MYO1E: variants seen among roughly 807,000 people sequenced by gnomAD.
The protein encoded by MYO1E is unconventional myosin-Ie.
A neutral mutation model predicts 151.1 loss-of-function variants in MYO1E; 68 were observed. The observed-to-expected ratio is 0.45, with a 90% CI of 0.37 to 0.55. The LOEUF (loss-of-function observed/expected upper bound fraction) is 0.55, where lower values mean the gene tolerates loss of function less well. Among genes scored for constraint, MYO1E ranks in the 20% least tolerant of loss-of-function variants. The pLI is 0.00. For missense variants in MYO1E, 1,363 were observed against 1,389.3 expected, an observed-to-expected ratio of 0.98 and a Z score of 0.30; for synonymous variants, 601 against 501.7, an observed-to-expected ratio of 1.20 and a Z score of -2.64.
chr15:59,333,647 G>T (rs1326538643), intron 1 of MYO1E, among the ~76,000 whole-genome samples: 1 of 152,174 alleles, frequency 6.6e-6, no homozygotes, highest in East Asian at 1.9e-4. Flanking sequence ...ATTGGTGAGT[G>T]GGTATCCTTC....
intron 4 of MYO1E, among the ~76,000 whole-genome samples, chr15:59,241,827 GA>G (rs2080101491): frequency 6.6e-6 from 1 of 152,150 alleles, no homozygotes; most frequent in Admixed American, 6.6e-5. Flanking sequence ...GCTGAGGTGG[GA>G]GGATTGTTTG....
At chr15:59,371,168 T>C (rs74017758) in intron 1 of MYO1E, among the ~76,000 whole-genome samples, 1,860 of 152,348 alleles carry the variant, frequency 0.012, 40 homozygotes, top group African/African-American at 0.042. Flanking sequence ...GATGTTTGTT[T>C]GTAATCATTC....
intron 1 of MYO1E, among the ~76,000 whole-genome samples, chr15:59,365,756 C>T (rs2080909355): frequency 6.6e-6 from 1 of 152,130 alleles, no homozygotes; most frequent in Admixed American, 6.5e-5. Flanking sequence ...AGAGAGTGTG[C>T]CTCCTTCAGA....
intron 22 of MYO1E, among the ~76,000 whole-genome samples, chr15:59,166,554 T>G (rs1344610422): frequency 4.0e-5 from 6 of 150,560 alleles, no homozygotes; most frequent in Non-Finnish European, 4.4e-5. Flanking sequence ...GGAGTTTTGT[T>G]TTTTTTTTTT....
intron 22 of MYO1E, among the ~76,000 whole-genome samples, chr15:59,170,374 C>T (rs1004402115): frequency 7.9e-5 from 12 of 152,298 alleles, no homozygotes; most frequent in East Asian, 1.9e-4. Context: ...CTGCCAAGCA[C>T]GCTGTGGCCA....
chr15:59,161,667 A>G (rs2079539059), intron 23 of MYO1E, among the ~76,000 whole-genome samples: 2 of 152,192 alleles, frequency 1.3e-5, no homozygotes, highest in Non-Finnish European at 2.9e-5. Context: ...GGACTCTAGC[A>G]TAGAACCTGG....
At chr15:59,219,978 A>T (rs1358339839) in intron 9 of MYO1E, among the ~76,000 whole-genome samples, 1 of 152,168 alleles carries the variant, frequency 6.6e-6, no homozygotes, top group Non-Finnish European at 1.5e-5. Context: ...CAGAGTAAGG[A>T]CAGATGACAT....
intron 3 of MYO1E, among the ~76,000 whole-genome samples, chr15:59,260,885 G>T (rs150360201): frequency 1.6e-4 from 24 of 152,168 alleles, no homozygotes; most frequent in African/African-American, 2.4e-4. Context: ...TGCAAATAAG[G>T]CTCAAATATT....
At position 59,372,704 on chromosome 15, in the gene MYO1E, G is replaced by C. The variant is rs1483756674; in HGVS notation, c.-204C>G. ...GGCGGTGCTAGGTGAGGGCGAGACG[G>C]CGGCGACTTAGCAGGCGGGGCGCAT... On this transcript the variant is annotated 5_prime_UTR_variant, in exon 1 of 28. Transcript: ENST00000288235. The C allele has an allele frequency of 4.9e-6, 3 of 615,964 alleles. No individual in the cohort carries two copies. Among genetic ancestry groups the C allele is most frequent in the Non-Finnish European group, 8.2e-6 (3 of 368,080 alleles). 38.2% of individuals were successfully genotyped at this position (615,964 alleles called of 1,614,324 possible).
At chr15:59,308,981 C>T (rs567008513) in intron 1 of MYO1E, among the ~76,000 whole-genome samples, 11 of 152,070 alleles carry the variant, frequency 7.2e-5, no homozygotes, top group East Asian at 3.9e-4. Flanking sequence ...GGCTTGGTGA[C>T]GCATGCCTGT....
At chr15:59,275,833 G>C (rs1318948456) in intron 1 of MYO1E, among the ~76,000 whole-genome samples, 1 of 152,178 alleles carries the variant, frequency 6.6e-6, no homozygotes, top group Non-Finnish European at 1.5e-5. Flanking sequence ...AGCCCAGCCA[G>C]GGAAGCTGAA....
chr15:59,295,206 T>C (rs75395491), intron 1 of MYO1E, among the ~76,000 whole-genome samples: 18 of 152,018 alleles, frequency 1.2e-4, no homozygotes, highest in African/African-American at 3.6e-4. Context: ...GAGATCAGAT[T>C]TGAGTTAGGA....
chr15:59,330,752 TA>T (rs2080693320), intron 1 of MYO1E, among the ~76,000 whole-genome samples: 2 of 152,148 alleles, frequency 1.3e-5, no homozygotes, highest in Non-Finnish European at 2.9e-5. Flanking sequence ...GCTCAATGAT[TA>T]TTTTTAATTT....
chr15:59,341,908 T>C (rs1169978484), intron 1 of MYO1E, among the ~76,000 whole-genome samples: 6 of 152,214 alleles, frequency 3.9e-5, no homozygotes, highest in Non-Finnish European at 4.4e-5. Context: ...GATCATAAGG[T>C]AGCTAGCTCT....
intron 1 of MYO1E, among the ~76,000 whole-genome samples, chr15:59,303,982 C>CTT (rs35196401): frequency 0.09 from 11,903 of 132,566 alleles, 857 homozygotes; most frequent in East Asian, 0.39. Flanking sequence ...TCTTTTCTTT[C>CTT]TTTTTTTTTT....
chr15:59,145,496 C>A (rs1269389182), intron 26 of MYO1E, among the ~76,000 whole-genome samples: 2 of 152,238 alleles, frequency 1.3e-5, no homozygotes, highest in Non-Finnish European at 2.9e-5. Context: ...AAGCGTTTCT[C>A]CTGCCTCAGC....
chr15:59,245,034 T>C (rs2080121490), intron 4 of MYO1E, among the ~76,000 whole-genome samples: 1 of 152,110 alleles, frequency 6.6e-6, no homozygotes, highest in Admixed American at 6.5e-5. Flanking sequence ...TGCAACCCCG[T>C]CATAGTCAGA....
intron 1 of MYO1E, among the ~76,000 whole-genome samples, chr15:59,330,511 G>A (rs553372120): frequency 7.2e-5 from 11 of 152,264 alleles, no homozygotes; most frequent in African/African-American, 2.4e-4. Context: ...CTGTTGTCAG[G>A]TTTTTGCCTA....
At chr15:59,266,429 G>A (rs1464811075) in intron 2 of MYO1E, among the ~76,000 whole-genome samples, 4 of 152,144 alleles carry the variant, frequency 2.6e-5, no homozygotes, top group African/African-American at 7.2e-5. Flanking sequence ...ATCTTTAACT[G>A]ATGGGTTCCC....
Sources: gnomAD v4.1 joint callset for allele counts (sites outside exome capture counted in the v4.1 genomes callset) on GRCh38, gnomAD v4.1.1 for gene constraint, MANE v1.5 for transcripts, NCBI Gene and HGNC (gene_info 2026-07-23, HGNC 2026-07-21) for gene names.